The following KIF24 variants were observed in gnomAD, a reference collection of about 807,000 sequenced individuals.
The protein encoded by KIF24 is kinesin family member 24.
A neutral mutation model predicts 118.9 loss-of-function variants in KIF24; 81 were observed. The observed-to-expected ratio is 0.68, with a 90% CI of 0.57 to 0.82. KIF24 has a LOEUF of 0.82. KIF24 is among the 40% of genes least tolerant of loss of function. KIF24 has a pLI of 0.00. For synonymous variants in KIF24, 599 were observed against 610.0 expected (o/e 0.98, Z 0.27); for missense variants, 1,560 against 1,661.6 (o/e 0.94, Z 1.06).
intron 6 of KIF24, among the ~76,000 whole-genome samples, chr9:34,283,195 C>G (rs111801713): frequency 1.3e-5 from 2 of 151,658 alleles, no homozygotes; most frequent in African/African-American, 4.8e-5. Context: ...GGTGAAACCC[C>G]ATCTCTACTA....
chr9:34,305,501 C>T (rs769283152), intron 3 of KIF24, among the ~76,000 whole-genome samples: 2 of 152,246 alleles, frequency 1.3e-5, no homozygotes, highest in South Asian at 4.1e-4. Flanking sequence ...GAAGTTCACA[C>T]TGTGAGATGC....
intron 6 of KIF24, among the ~76,000 whole-genome samples, chr9:34,279,196 T>C (rs1330117172): frequency 6.6e-6 from 1 of 152,168 alleles, no homozygotes; most frequent in African/African-American, 2.4e-5. Context: ...GCCAGCATCA[T>C]ACTATAAATT....
chr9:34,327,852 T>A lies in KIF24; in HGVS notation c.-26+1254A>T, dbSNP rs73645579. ...ATTTTCTCTAATAAAAAAAAAATAATAATAATAATAAAGGGACTAAATGAC... is the reference window on the plus strand; with the variant it reads ...ATTTTCTCTAATAAAAAAAAAATAAAAATAATAATAAAGGGACTAAATGAC... On this transcript the variant is annotated intron_variant, in intron 1 of 12. Coordinates refer to ENST00000402558, the MANE Select transcript of KIF24 (RefSeq NM_194313.4). Among the ~76,000 whole-genome samples, 1,051 of 131,464 alleles carry A rather than the reference T, an allele frequency of 8.0e-3. 11 individuals carry two copies. The highest frequency in any genetic ancestry group is 0.023 in the African/African-American group (912 of 39,360). The allele number at this position is 131,464 out of a possible 152,430, so 86.2% of individuals were successfully genotyped here.
intron 1 of KIF24, among the ~76,000 whole-genome samples, chr9:34,321,510 C>T (rs183220075): frequency 6.1e-5 from 9 of 148,294 alleles, no homozygotes; most frequent in Admixed American, 2.7e-4. Flanking sequence ...GGTTCTGTAA[C>T]GCACCCACTA....
At chr9:34,320,985 G>C (rs1284873528) in intron 1 of KIF24, among the ~76,000 whole-genome samples, 1 of 152,028 alleles carries the variant, frequency 6.6e-6, no homozygotes, top group Non-Finnish European at 1.5e-5. Flanking sequence ...GTATTTTATT[G>C]TAAGACCTCC....
intron 1 of KIF24, among the ~76,000 whole-genome samples, chr9:34,323,665 T>C (rs1204615365): frequency 6.6e-6 from 1 of 152,218 alleles, no homozygotes; most frequent in Non-Finnish European, 1.5e-5. Context: ...TCAGTTTTCA[T>C]AAATTACCAA....
intron 8 of KIF24, among the ~76,000 whole-genome samples, chr9:34,263,440 C>G (rs916561163): frequency 1.3e-5 from 2 of 152,174 alleles, no homozygotes; most frequent in African/African-American, 4.8e-5. Context: ...GGGGAACAGA[C>G]AGACGCTGGG....
At chr9:34,291,544 G>A (rs752694184) in intron 4 of KIF24, among the ~76,000 whole-genome samples, 51 of 152,194 alleles carry the variant, frequency 3.4e-4, no homozygotes, top group Non-Finnish European at 6.5e-4. Context: ...GCTCTTGTAT[G>A]TGGTTACATG....
intron 4 of KIF24, among the ~76,000 whole-genome samples, chr9:34,292,350 AT>A (rs967689075): frequency 9.9e-5 from 15 of 151,732 alleles, no homozygotes; most frequent in African/African-American, 2.7e-4. Context: ...TCCCCTGTAA[AT>A]TTTTTTTCCT....
Position 34,306,405 on chromosome 9 carries a change from C to T in KIF24, c.660G>A (p.Glu220=), listed in dbSNP as rs547261080. 140 of 1,611,532 alleles carry T rather than the reference C, an allele frequency of 8.7e-5. 2 individuals carry two copies. The highest frequency in any genetic ancestry group is 7.1e-4 in the South Asian group (64 of 90,508). ...NTSEKQNPWT[E]MEKIRVCVRK... Reference sequence around the variant, plus strand: ...GAACACAAACTCTGATTTTCTCCATCTCAGTCCAAGGATTCTGTTTCTCTG... The same window carrying T: ...GAACACAAACTCTGATTTTCTCCATTTCAGTCCAAGGATTCTGTTTCTCTG... Residue 220 remains glutamate (E), a synonymous_variant, in exon 3 of 13, where the codon GAG becomes GAA. Transcript: ENST00000402558.
chr9:34,262,712 A>ATATATATATATG (rs1278590736), intron 9 of KIF24, among the ~76,000 whole-genome samples: 5 of 50,262 alleles, frequency 9.9e-5, no homozygotes, highest in African/African-American at 3.1e-4. Flanking sequence ...ATATATATAT[A>ATATATATATATG]TGGCCAGGCA....
chr9:34,331,698 A>T (rs1837942706), upstream of KIF24, among the ~76,000 whole-genome samples: 1 of 152,246 alleles, frequency 6.6e-6, no homozygotes, highest in South Asian at 2.1e-4. Context: ...AAATAATTTT[A>T]AAAAAGTAAA....
At chr9:34,287,179 A>G (rs1008057467) in intron 5 of KIF24, among the ~76,000 whole-genome samples, 1 of 152,216 alleles carries the variant, frequency 6.6e-6, no homozygotes, top group African/African-American at 2.4e-5. Flanking sequence ...GATGAAACTA[A>G]TAACACAGAA....
chr9:34,320,935 G>A lies in KIF24; in HGVS notation c.-26+8171C>T, dbSNP rs1837500409. 2.6e-5 allele frequency among the ~76,000 whole-genome samples: 4 copies of A among 152,220 alleles called. No homozygotes were observed. The South Asian group carries it at 8.3e-4, about 32-fold the overall frequency. On this transcript the variant is annotated intron_variant, in intron 1 of 12. Coordinates refer to ENST00000402558, the MANE Select transcript of KIF24 (RefSeq NM_194313.4). ...TTAGCTATATCTGCATTGTTCAAAT[G>A]TGTGCTTTTATTTTTATTCACTGTT...
chr9:34,297,331 T>C (rs12376394), intron 3 of KIF24, among the ~76,000 whole-genome samples: 72,229 of 152,066 alleles, frequency 0.47, 20,103 homozygotes, highest in South Asian at 0.64. Context: ...AACTAAGGCA[T>C]ACATTTTTTG....
chr9:34,285,774 C>CA (rs59097671), intron 6 of KIF24, among the ~76,000 whole-genome samples: 3,593 of 64,740 alleles, frequency 0.055, 152 homozygotes, highest in African/African-American at 0.15. Flanking sequence ...GACTCCATCT[C>CA]AAAAAAAAAA....
intron 1 of KIF24, among the ~76,000 whole-genome samples, chr9:34,317,615 C>T (rs1385080958): frequency 6.6e-6 from 1 of 152,166 alleles, no homozygotes; most frequent in Non-Finnish European, 1.5e-5. Flanking sequence ...ATACTGGCTC[C>T]CCTTTCCTGG....
At chr9:34,302,932 C>T (rs1354782903) in intron 3 of KIF24, among the ~76,000 whole-genome samples, 6 of 152,016 alleles carry the variant, frequency 3.9e-5, no homozygotes, top group East Asian at 1.9e-4. Flanking sequence ...ACTGCCAACA[C>T]GTCTGGCTAA....
chr9:34,329,894 T>G (rs981821510), upstream of KIF24, among the ~76,000 whole-genome samples: 1 of 152,210 alleles, frequency 6.6e-6, no homozygotes, highest in Non-Finnish European at 1.5e-5. Context: ...AGGTCCAGGT[T>G]TAGGGCCCAG....
Sources: gnomAD v4.1 joint callset for allele counts (sites outside exome capture counted in the v4.1 genomes callset) on GRCh38, gnomAD v4.1.1 for gene constraint, MANE v1.5 for transcripts, NCBI Gene and HGNC (gene_info 2026-07-23, HGNC 2026-07-21) for gene names.